Variants in STUM observed in about 807,000 individuals in gnomAD.
STUM encodes the protein protein stum homolog.
In STUM, 8 loss-of-function variants were observed where a neutral mutation model predicts 15.3. The observed-to-expected ratio is 0.52, with a 90% CI of 0.31 to 0.94. STUM has a LOEUF of 0.94. Ranked by LOEUF, STUM falls within the 40% of genes least tolerant of loss-of-function variation. The pLI is 0.05. For missense variants in STUM, 142 were observed against 204.9 expected (o/e 0.69, Z 1.87); for synonymous variants, 78 against 88.7 (o/e 0.88, Z 0.68).
chr1:226,605,122 G>C lies in STUM; in HGVS notation c.*3082G>C, dbSNP rs972541382. The C allele has an allele frequency of 6.6e-6, 1 of 152,246 alleles. No homozygotes were observed. The highest frequency in any genetic ancestry group is 2.4e-5 in the African/African-American group (1 of 41,440). The allele number at this position is 152,246 out of a possible 1,614,324, so 9.4% of individuals were successfully genotyped here. ...CAGGAGTCTGATGGCTCTGCTGCCA[G>C]AGCCTACCCCAGCCTGCCACGCCGC... is the stretch of plus-strand genomic sequence containing the variant. On this transcript the variant is annotated 3_prime_UTR_variant, in exon 4 of 4. Coordinates refer to ENST00000366788, the MANE Select transcript of STUM (RefSeq NM_001003665.4). This position sits in a 1 kb window ranked among gnomAD's most constrained non-coding sequence, Gnocchi z 4.0.
Position 226,608,108 on chromosome 1 carries a change from G to C in STUM, c.*6068G>C, listed in dbSNP as rs1031657058. On this transcript the variant is annotated 3_prime_UTR_variant, in exon 4 of 4. Coordinates refer to ENST00000366788, the MANE Select transcript of STUM (RefSeq NM_001003665.4). The surrounding 1 kb of genome is among the most constrained non-coding windows in gnomAD (Gnocchi z 4.0). The stretch of plus-strand genomic sequence containing the variant: ...CTCCCATGCACTCCTAGGGTGAATG[G>C]GCTCAGCACCAAACCTGGCTGTGCC... 3 of 152,292 alleles carry C rather than the reference G, an allele frequency of 2.0e-5. No individual in the cohort carries two copies. Among genetic ancestry groups the C allele is most frequent in the African/African-American group, 7.2e-5 (3 of 41,452 alleles). The allele number at this position is 152,292 out of a possible 1,614,324, so 9.4% of individuals were successfully genotyped here. A position where few individuals can be genotyped will look rare whatever the true frequency, so the allele number is the denominator to read the frequency against.
chr1:226,608,931 G>A lies in STUM; in HGVS notation c.*6891G>A, dbSNP rs886328490. On this transcript the variant is annotated 3_prime_UTR_variant, in exon 4 of 4. Transcript: ENST00000366788. This position sits in a 1 kb window ranked among gnomAD's most constrained non-coding sequence, Gnocchi z 4.0. ...CACAGCGCCCTCTAGGGGCCAAGCA[G>A]GGTTCCAGATTCTCCAGCCTTCTGC... 16 of 152,238 alleles carry A rather than the reference G, an allele frequency of 1.1e-4. No individual in the cohort carries two copies. The allele number at this position is 152,238 out of a possible 1,614,324, so 9.4% of individuals were successfully genotyped here. A position where few individuals can be genotyped will look rare whatever the true frequency, so the allele number is the denominator to read the frequency against.
At chr1:226,598,507 A>G (rs1015887258) in intron 2 of STUM, among the ~76,000 whole-genome samples, 6 of 152,190 alleles carry the variant, frequency 3.9e-5, no homozygotes, top group Non-Finnish European at 7.4e-5. Context: ...TTTCTGGTAC[A>G]CTTGTCTTTG....
chr1:226,591,073 G>A (rs533622006), intron 1 of STUM, among the ~76,000 whole-genome samples: 46 of 152,300 alleles, frequency 3.0e-4, no homozygotes, highest in Non-Finnish European at 4.9e-4. Context: ...TGGGTAGAGC[G>A]TTTTATTTAA....
At chr1:226,566,484 T>G (rs1434178496) in intron 1 of STUM, among the ~76,000 whole-genome samples, 3 of 152,166 alleles carry the variant, frequency 2.0e-5, no homozygotes, top group Non-Finnish European at 4.4e-5. Flanking sequence ...AAAAATGGAA[T>G]AGTCTTGCAG....
intron 1 of STUM, among the ~76,000 whole-genome samples, chr1:226,578,880 C>T (rs635530): frequency 0.73 from 111,081 of 152,132 alleles, 41,138 homozygotes; most frequent in African/African-American, 0.85. Flanking sequence ...TCTCAAGCAA[C>T]GAAATAAAAA....
intron 1 of STUM, among the ~76,000 whole-genome samples, chr1:226,595,595 T>C (rs1224599198): frequency 6.6e-6 from 1 of 152,216 alleles, no homozygotes; most frequent in East Asian, 1.9e-4. Flanking sequence ...TGTAGTAAAA[T>C]GCACTTTGCA....
intron 1 of STUM, among the ~76,000 whole-genome samples, chr1:226,562,771 T>G (rs1667563505): frequency 6.6e-6 from 1 of 152,124 alleles, no homozygotes; most frequent in African/African-American, 2.4e-5. Flanking sequence ...CAAAACGTAA[T>G]CTTGAATTAC....
chr1:226,564,474 A>T (rs1451899599), intron 1 of STUM, among the ~76,000 whole-genome samples: 1 of 152,066 alleles, frequency 6.6e-6, no homozygotes, highest in African/African-American at 2.4e-5. Context: ...GGGGGAAAAG[A>T]GTGTGATTCT....
chr1:226,574,124 T>C (rs941979318), intron 1 of STUM, among the ~76,000 whole-genome samples: 2 of 152,178 alleles, frequency 1.3e-5, no homozygotes, highest in Non-Finnish European at 2.9e-5. Flanking sequence ...GCATGAGCCA[T>C]AGCCCCCAGC....
intron 1 of STUM, among the ~76,000 whole-genome samples, chr1:226,593,816 C>G (rs1182465245): frequency 1.3e-5 from 2 of 152,208 alleles, no homozygotes; most frequent in East Asian, 3.9e-4. Context: ...CCTTATCATT[C>G]CTATTCCTTG....
intron 2 of STUM, among the ~76,000 whole-genome samples, chr1:226,597,834 G>A (rs891605779): frequency 1.5e-4 from 23 of 152,190 alleles, no homozygotes; most frequent in African/African-American, 5.3e-4. Flanking sequence ...ATCACAGGAG[G>A]AAGTGGGTCA....
At chr1:226,576,642 C>T (rs1667819780) in intron 1 of STUM, among the ~76,000 whole-genome samples, 1 of 152,130 alleles carries the variant, frequency 6.6e-6, no homozygotes, top group Non-Finnish European at 1.5e-5. Context: ...AGTACATTCA[C>T]AATGCTGTGC....
chr1:226,566,808 T>A (rs944339180), intron 1 of STUM, among the ~76,000 whole-genome samples: 3 of 152,196 alleles, frequency 2.0e-5, no homozygotes, highest in African/African-American at 7.2e-5. Flanking sequence ...GATTTTAGAT[T>A]TTTATAAGTG....
chr1:226,589,046 G>T (rs1161743889), intron 1 of STUM, among the ~76,000 whole-genome samples: 1 of 152,198 alleles, frequency 6.6e-6, no homozygotes, highest in Non-Finnish European at 1.5e-5. Flanking sequence ...GTGACATCTG[G>T]GATCAAACAA....
chr1:226,574,880 G>A (rs1045857867), intron 1 of STUM, among the ~76,000 whole-genome samples: 6 of 152,184 alleles, frequency 3.9e-5, no homozygotes, highest in African/African-American at 1.4e-4. Flanking sequence ...CCAGGGCTTT[G>A]GGTCTCACAA....
In STUM at chr1:226,589,276, C is replaced by T. The variant is rs187996490; in HGVS notation, c.203-7526C>T. ...CTCTATCTCGTGGGAGCAGAGCCGC[C>T]CCCTTCCTGATGGGAGACTGTACCA... On this transcript the variant is annotated intron_variant, in intron 1 of 3. Coordinates refer to ENST00000366788, the MANE Select transcript of STUM (RefSeq NM_001003665.4). Among the ~76,000 whole-genome samples, 668 of 152,324 alleles carry T rather than the reference C, an allele frequency of 4.4e-3. 4 individuals are homozygous for T. Among genetic ancestry groups the T allele is most frequent in the Non-Finnish European group, 5.8e-3 (395 of 68,008 alleles).
intron 1 of STUM, among the ~76,000 whole-genome samples, chr1:226,586,341 T>C (rs865682): frequency 0.93 from 141,931 of 152,238 alleles, 66,262 homozygotes; most frequent in East Asian, 0.98. Context: ...GCCGAACGCT[T>C]GGGGCAGTCT....
Position 226,577,247 on chromosome 1 carries a change from G to C in STUM, c.203-19555G>C, listed in dbSNP as rs539084475. 3.3e-5 allele frequency among the ~76,000 whole-genome samples: 5 copies of C among 152,364 alleles called. No homozygotes were observed. In the South Asian group the frequency reaches 6.2e-4, roughly 19 times the overall value. On this transcript the variant is annotated intron_variant, in intron 1 of 3. Transcript: ENST00000366788. ...GGGCTCACAGCCAGTGCAGGGAAGA[G>C]AGTGTCCCTTCTTGGGACTGCTCTC...
Sources: allele counts gnomAD v4.1 joint callset (sites outside exome capture counted in the v4.1 genomes callset), GRCh38; gene constraint gnomAD v4.1.1; non-coding constraint Gnocchi (gnomAD v3.1); transcripts MANE v1.5; gene names NCBI Gene and HGNC (gene_info 2026-07-23, HGNC 2026-07-21).